The following CPEB3 variants were observed in gnomAD, a reference collection of about 807,000 sequenced individuals.
The protein encoded by CPEB3 is cytoplasmic polyadenylation element-binding protein 3.
CPEB3 carries 20 observed loss-of-function variants against 67.2 expected under a neutral mutation model. The observed-to-expected ratio is 0.30, with a 90% CI of 0.21 to 0.43. The LOEUF is 0.43. CPEB3 is among the 20% of genes least tolerant of loss of function. The pLI, the probability that CPEB3 is intolerant of heterozygous loss-of-function variation, is 1.00. For synonymous variants in CPEB3, 376 were observed against 393.1 expected (o/e 0.96, Z 0.51); for missense variants, 746 against 968.6 (o/e 0.77, Z 3.05).
chr10:92,199,837 T>C lies in CPEB3; in HGVS notation c.1006-7201A>G, dbSNP rs114365453. Reference sequence around the variant, plus strand: ...GTTTAAGAGCAATGAAAATGCCTTATCTGTTTTTAAATAGATATTCATTAC... The same window carrying C: ...GTTTAAGAGCAATGAAAATGCCTTACCTGTTTTTAAATAGATATTCATTAC... On this transcript the variant is annotated intron_variant, in intron 2 of 9. Transcript: ENST00000265997. Among the ~76,000 whole-genome samples the C allele has an allele frequency of 3.3e-5, 5 of 152,260 alleles. No homozygotes were observed. The East Asian group carries it at 9.6e-4, about 29-fold the overall frequency.
chr10:92,264,604 T>C (rs1010311535), intron 1 of CPEB3, among the ~76,000 whole-genome samples: 1 of 151,326 alleles, frequency 6.6e-6, no homozygotes, highest in Non-Finnish European at 1.5e-5. Flanking sequence ...TAATCTCAGC[T>C]ACTCAGAAGG....
chr10:92,218,497 G>A (rs1850543256), intron 2 of CPEB3, among the ~76,000 whole-genome samples: 1 of 152,160 alleles, frequency 6.6e-6, no homozygotes, highest in Non-Finnish European at 1.5e-5. Context: ...CCATTACATG[G>A]CCAATTGAAA....
chr10:92,277,698 G>A (rs1317913445), intron 1 of CPEB3, among the ~76,000 whole-genome samples: 5 of 151,732 alleles, frequency 3.3e-5, no homozygotes, highest in South Asian at 4.2e-4. Context: ...CGAGACCAGC[G>A]TGGCCAACAT....
intron 1 of CPEB3, among the ~76,000 whole-genome samples, chr10:92,280,244 G>A (rs1198532367): frequency 6.7e-6 from 1 of 149,528 alleles, no homozygotes. Context: ...TACTCAGGAG[G>A]TAAGGCAGGA....
At chr10:92,291,181 G>A (rs566120489), upstream of CPEB3, 3 of 487,100 alleles carry the variant, frequency 6.2e-6, no homozygotes, top group Admixed American at 4.2e-5. Flanking sequence ...CACAAAGGTA[G>A]CTCCTCCGCC....
chr10:92,107,164 T>A (rs1844513983), intron 7 of CPEB3, among the ~76,000 whole-genome samples: 1 of 152,334 alleles, frequency 6.6e-6, no homozygotes, highest in South Asian at 2.1e-4. Context: ...ATTTCCAGAT[T>A]CCTTATTCTT....
At chr10:92,095,612 T>TC (rs1843831871) in intron 7 of CPEB3, among the ~76,000 whole-genome samples, 2 of 137,936 alleles carry the variant, frequency 1.4e-5, no homozygotes, top group Admixed American at 7.0e-5. Context: ...TTTTTTTTTT[T>TC]CATTGTGTAT....
chr10:92,117,415 C>T (rs1328753557), intron 6 of CPEB3, among the ~76,000 whole-genome samples: 2 of 148,840 alleles, frequency 1.3e-5, no homozygotes, highest in African/African-American at 2.5e-5. Flanking sequence ...CTGCAAGCTC[C>T]GCCTCCCAGG....
At chr10:92,290,783 C>A (rs1157895779) in intron 1 of CPEB3, 143 bp downstream of exon 1, 1 of 152,522 alleles carries the variant, frequency 6.6e-6, no homozygotes, top group Non-Finnish European at 1.5e-5. Flanking sequence ...GCCACCCCCA[C>A]TGCCGCCACT....
chr10:92,246,163 G>A (rs1590520422), intron 1 of CPEB3, among the ~76,000 whole-genome samples: 1 of 151,572 alleles, frequency 6.6e-6, no homozygotes, highest in African/African-American at 2.4e-5. Flanking sequence ...GTGAAACCCC[G>A]TCTCTACTAA....
intron 2 of CPEB3, among the ~76,000 whole-genome samples, chr10:92,226,058 A>G (rs747377313): frequency 2.6e-5 from 4 of 152,066 alleles, no homozygotes; most frequent in Non-Finnish European, 4.4e-5. Flanking sequence ...GATTGCACCA[A>G]TGCACTCCAG....
chr10:92,170,324 A>G (rs1274544372), intron 4 of CPEB3, among the ~76,000 whole-genome samples: 1 of 152,166 alleles, frequency 6.6e-6, no homozygotes, highest in Non-Finnish European at 1.5e-5. Flanking sequence ...CAAAGTAATC[A>G]CTCTAGAATT....
intron 9 of CPEB3, among the ~76,000 whole-genome samples, chr10:92,053,515 C>T (rs1010392898): frequency 2.0e-5 from 3 of 150,842 alleles, no homozygotes; most frequent in South Asian, 4.2e-4. Context: ...AGGAGTGCGC[C>T]ACCACGCTCG....
chr10:92,149,463 A>G (rs984396280), intron 4 of CPEB3, among the ~76,000 whole-genome samples: 4 of 152,204 alleles, frequency 2.6e-5, no homozygotes, highest in African/African-American at 9.7e-5. Context: ...AGAGTGAAGA[A>G]GCAGATGTGG....
intron 1 of CPEB3, among the ~76,000 whole-genome samples, chr10:92,260,380 A>C (rs1226537672): frequency 6.6e-6 from 1 of 151,782 alleles, no homozygotes; most frequent in East Asian, 1.9e-4. Flanking sequence ...ATGAAACCCC[A>C]TCTCTACTAA....
At position 92,087,398 on chromosome 10, in the gene CPEB3, C is replaced by T. The variant is rs112767906; in HGVS notation, c.1687+4432G>A. On this transcript the variant is annotated intron_variant, in intron 8 of 9. Transcript: ENST00000265997. ...AGGAAAGATAGAACCAAAAGATGAA[C>T]GAGAAAACAGTAGGTTGTGGGGATT... Among the ~76,000 whole-genome samples, 359 of 152,240 alleles carry T rather than the reference C, an allele frequency of 2.4e-3. 1 individual carries two copies. The highest frequency in any genetic ancestry group is 7.6e-3 in the African/African-American group (316 of 41,558).
intron 2 of CPEB3, among the ~76,000 whole-genome samples, chr10:92,219,189 C>A (rs566047510): frequency 1.3e-5 from 2 of 152,260 alleles, no homozygotes; most frequent in African/African-American, 4.8e-5. Flanking sequence ...AGCTTGCTTG[C>A]CTATGGCTTG....
chr10:92,134,944 G>A (rs534140697), intron 6 of CPEB3, among the ~76,000 whole-genome samples: 20 of 152,168 alleles, frequency 1.3e-4, no homozygotes, highest in African/African-American at 4.8e-4. Flanking sequence ...ATGGTGCTGG[G>A]AAAACTGGCT....
At chr10:92,219,701 T>C (rs1334914129) in intron 2 of CPEB3, among the ~76,000 whole-genome samples, 1 of 152,226 alleles carries the variant, frequency 6.6e-6, no homozygotes, top group Non-Finnish European at 1.5e-5. Context: ...ACATTTCATA[T>C]TCTAGATCAC....
Sources: allele counts gnomAD v4.1 joint callset (sites outside exome capture counted in the v4.1 genomes callset), GRCh38; gene constraint gnomAD v4.1.1; transcripts MANE v1.5; gene names NCBI Gene and HGNC (gene_info 2026-07-23, HGNC 2026-07-21).